The following SCARF2 variants were observed in gnomAD, a reference collection of about 807,000 sequenced individuals.
SCARF2 encodes scavenger receptor class F member 2.
In SCARF2, 39 loss-of-function variants were observed where a neutral mutation model predicts 73.4. The ratio of observed to expected loss-of-function variants is 0.53; its 90% confidence interval spans 0.41 to 0.69. SCARF2 has a LOEUF of 0.69. Among genes scored for constraint, SCARF2 ranks in the 30% least tolerant of loss-of-function variants. The pLI is 0.00. For synonymous variants in SCARF2, 605 were observed against 590.0 expected (o/e 1.03, Z -0.37); for missense variants, 1,148 against 1,303.5 (o/e 0.88, Z 1.84).
chr22:20,433,757 TGTCTCCACC>T (rs1371526518), intron 1 of SCARF2, among the ~76,000 whole-genome samples: 1 of 152,230 alleles, frequency 6.6e-6, no homozygotes, highest in African/African-American at 2.4e-5. Context: ...CTGCCCCCAC[TGTCTCCACC>T]CACCCAGCCC....
At chr22:20,437,451 T>A in intron 1 of SCARF2, 131 bp downstream of exon 1, 1 of 977,604 alleles carries the variant, frequency 1.0e-6, no homozygotes, top group Non-Finnish European at 1.4e-6. Context: ...GGAGCCGCGC[T>A]GGCTAGGGAG....
chr22:20,426,438 CAT>C (rs2052579506), intron 10 of SCARF2, among the ~76,000 whole-genome samples, 156 bp from the exon 11 acceptor site: 5 of 152,368 alleles, frequency 3.3e-5, no homozygotes, highest in Admixed American at 1.3e-4. Context: ...ACCAACCACA[CAT>C]GTGTACTTCA....
At chr22:20,433,124 T>C (rs1250009791) in intron 1 of SCARF2, among the ~76,000 whole-genome samples, 1 of 152,130 alleles carries the variant, frequency 6.6e-6, no homozygotes, top group Non-Finnish European at 1.5e-5. Context: ...CCTGGGTGGA[T>C]GGGGTGTGTG....
chr22:20,427,328 C>T (rs2052589896), intron 10 of SCARF2, 70 bp downstream of exon 10: 2 of 1,580,740 alleles, frequency 1.3e-6, no homozygotes, highest in Non-Finnish European at 1.7e-6. Context: ...CTGTGTCCCA[C>T]CCAGAACACA....
rs921120648 is a variant in SCARF2, at chr22:20,427,429, A to G, written c.1662T>C (p.Asp554=). 1 of 1,614,076 alleles carries G rather than the reference A, an allele frequency of 6.2e-7. No homozygotes were observed. Among genetic ancestry groups the G allele is most frequent in the Admixed American group, 1.7e-5 (1 of 60,008 alleles). Reference sequence around the variant, plus strand: ...GGGGTACACAGTACACAGGGCCTTCATCAGTGGTGTCAAACGAGGAGAAGG... The same window carrying G: ...GGGGTACACAGTACACAGGGCCTTCGTCAGTGGTGTCAAACGAGGAGAAGG... ...RASFSSFDTT[D]EGPVYCVPHE... The change falls in exon 10 of 11, where the codon GAT becomes GAC. Residue 554 remains aspartate, a synonymous_variant. Coordinates refer to ENST00000622235, the MANE Select transcript of SCARF2 (RefSeq NM_182895.5).
At chr22:20,431,597 A>T in intron 3 of SCARF2, 60 bp from the exon 4 acceptor site, 1 of 1,544,378 alleles carries the variant, frequency 6.5e-7, no homozygotes, top group South Asian at 1.2e-5. Context: ...GCCCCCAGCC[A>T]GCCGGAACCT....
Position 20,429,671 on chromosome 22 carries a change from G to A in SCARF2, c.1307-18C>T. On this transcript the variant is annotated intron_variant, in intron 7 of 10. Coordinates refer to ENST00000622235, the MANE Select transcript of SCARF2 (RefSeq NM_182895.5). This position sits in a 1 kb window ranked among gnomAD's most constrained non-coding sequence, Gnocchi z 5.2. ...GTTGGTTTCTGTAGGGGGTTATGGGGTCAGCGCGGTTTCTGGCACCCCCTG... is the reference window on the plus strand; with the variant it reads ...GTTGGTTTCTGTAGGGGGTTATGGGATCAGCGCGGTTTCTGGCACCCCCTG... 1 of 1,614,018 alleles carries A rather than the reference G, an allele frequency of 6.2e-7. No individual in the cohort carries two copies. Among genetic ancestry groups the A allele is most frequent in the Non-Finnish European group, 8.5e-7 (1 of 1,179,948 alleles).
intron 9 of SCARF2, among the ~76,000 whole-genome samples, chr22:20,427,962 C>T (rs955841355): frequency 2.6e-5 from 4 of 152,182 alleles, no homozygotes; most frequent in South Asian, 4.1e-4. Context: ...AGCCCAAATG[C>T]GCAGTGGCAG....
At chr22:20,427,203 C>G (rs2052588059) in intron 10 of SCARF2, among the ~76,000 whole-genome samples, 195 bp downstream of exon 10, 1 of 150,590 alleles carries the variant, frequency 6.6e-6, no homozygotes, top group African/African-American at 2.4e-5. Context: ...CCCATCTCCC[C>G]ACACCTGTCT....
chr22:20,437,411 G>T (rs915666082), intron 1 of SCARF2, among the ~76,000 whole-genome samples, 171 bp downstream of exon 1: 2 of 152,204 alleles, frequency 1.3e-5, no homozygotes, highest in African/African-American at 4.8e-5. Flanking sequence ...ATGCACTGTC[G>T]TGGCCCATGG....
In SCARF2 at chr22:20,429,631, C is replaced by A. The variant is rs747596610; in HGVS notation, c.1329G>T (p.Val443=). The change falls in exon 8 of 11, where the codon GTG becomes GTT. Residue 443 remains valine, a synonymous_variant. Coordinates refer to ENST00000622235, the MANE Select transcript of SCARF2 (RefSeq NM_182895.5). This position sits in a 1 kb window ranked among gnomAD's most constrained non-coding sequence, Gnocchi z 5.2. ...GGACGAGCAGCGCGCCCGCGCCCAT[C>A]ACGCCCTTGCGCTGGTTGGTTTCTG... ...CHLETNQRKG[V]MGAGALLVLL... The A allele has an allele frequency of 6.2e-6, 10 of 1,613,770 alleles. No individual in the cohort carries two copies. Among genetic ancestry groups the A allele is most frequent in the Non-Finnish European group, 8.5e-6 (10 of 1,179,960 alleles).
Position 20,429,415 on chromosome 22 carries a change from A to T in SCARF2, c.1425-75T>A. 7.1e-6 allele frequency: 11 copies of T among 1,556,550 alleles called. No individual in the cohort carries two copies. In the South Asian group the frequency reaches 1.3e-4, roughly 18 times the overall value. On this transcript the variant is annotated intron_variant, in intron 8 of 10. Transcript: ENST00000622235. This position sits in a 1 kb window ranked among gnomAD's most constrained non-coding sequence, Gnocchi z 5.2. ...GGGCGATTAGATCTCGGCCGGAGCC[A>T]AGCACAGAAGGGGCGGGGCCACGTC... is the stretch of plus-strand genomic sequence containing the variant.
In SCARF2 at chr22:20,429,713, G is replaced by A. The variant is rs1365826522; in HGVS notation, c.1306+17C>T. 1.9e-6 allele frequency: 3 copies of A among 1,613,852 alleles called. No individual in the cohort carries two copies. The highest frequency in any genetic ancestry group is 1.3e-5 in the African/African-American group (1 of 74,932). On this transcript the variant is annotated intron_variant, in intron 7 of 10. Transcript: ENST00000622235. The surrounding 1 kb of genome is among the most constrained non-coding windows in gnomAD (Gnocchi z 5.2). ...CACCCCCTGCATTCCTTAACGGGAC[G>A]CCCCTCATCCACTTACCTAGGTGGC...
In SCARF2 at chr22:20,431,991, G is replaced by C. The variant is rs1235454157; in HGVS notation, c.174-3C>G. ...CGCAGCACGTGGGCACCTGGGAGCT[G>C]CGAGCAGAGGGAGGACATCTAAGCC... On this transcript the variant is annotated splice_region_variant and splice_polypyrimidine_tract_variant and intron_variant, in intron 1 of 10. Transcript: ENST00000622235. 1.9e-6 allele frequency: 3 copies of C among 1,608,804 alleles called. No homozygotes were observed. Among genetic ancestry groups the C allele is most frequent in the Non-Finnish European group, 2.5e-6 (3 of 1,178,872 alleles).
At chr22:20,430,278 C>G in intron 6 of SCARF2, 151 bp downstream of exon 6, 2 of 994,858 alleles carry the variant, frequency 2.0e-6, no homozygotes, top group Non-Finnish European at 2.9e-6. Flanking sequence ...GGAAACTGCC[C>G]CCAAAGAGCC....
rs1601297367 is a variant in SCARF2, at chr22:20,429,147, A to C, written c.1540+78T>G. 5 of 1,568,268 alleles carry C rather than the reference A, an allele frequency of 3.2e-6. No individual in the cohort carries two copies. The highest frequency in any genetic ancestry group is 4.4e-6 in the Non-Finnish European group (5 of 1,140,016). On this transcript the variant is annotated intron_variant, in intron 9 of 10. Transcript: ENST00000622235. The surrounding 1 kb of genome is among the most constrained non-coding windows in gnomAD (Gnocchi z 5.2). ...CCCCCATTTCCTCACTGAGATCTGG[A>C]CCCCCTCACACCCATTTCCCAGCAG...
rs2052612752 is a variant in SCARF2 at position 20,429,205 on chromosome 22, C to T, written c.1540+20G>A. On this transcript the variant is annotated intron_variant, in intron 9 of 10. Transcript: ENST00000622235. The surrounding 1 kb of genome is among the most constrained non-coding windows in gnomAD (Gnocchi z 5.2). ...CGTCGAGAGGTGTTTCTCCCAGATACCCCGCGCTGTCATCCTTACCTACGA... is the reference window on the plus strand; with the variant it reads ...CGTCGAGAGGTGTTTCTCCCAGATATCCCGCGCTGTCATCCTTACCTACGA... 3 of 1,613,978 alleles carry T rather than the reference C, an allele frequency of 1.9e-6. No individual in the cohort carries two copies. Among genetic ancestry groups the T allele is most frequent in the African/African-American group, 2.7e-5 (2 of 75,060 alleles).
chr22:20,429,167 C>A lies in SCARF2; in HGVS notation c.1540+58G>T. ...TCTGGACCCCCTCACACCCATTTCC[C>A]AGCAGCTTCCTGCGTCGAGAGGTGT... On this transcript the variant is annotated intron_variant, in intron 9 of 10. Transcript: ENST00000622235. The surrounding 1 kb of genome is among the most constrained non-coding windows in gnomAD (Gnocchi z 5.2). 1.2e-6 allele frequency: 2 copies of A among 1,610,896 alleles called. No homozygotes were observed. The highest frequency in any genetic ancestry group is 2.2e-5 in the South Asian group (2 of 90,820).
Position 20,425,432 on chromosome 22 carries a change from G to C in SCARF2, c.2544C>G (p.Arg848=), listed in dbSNP as rs1285201141. ...RKKTPIQKPP[R]KKSREAAGEL... ...CGCCCGCCGCCTCCCGGCTCTTCTT[G>C]CGCGGCGGCTTCTGGATGGGGGTCT... The change falls in exon 11 of 11, where the codon CGC becomes CGG. Residue 848 remains arginine, a synonymous_variant. Transcript: ENST00000622235. The surrounding 1 kb of genome is among the most constrained non-coding windows in gnomAD (Gnocchi z 4.6). The C allele has an allele frequency of 1.4e-6, 2 of 1,429,372 alleles. No individual in the cohort carries two copies. The highest frequency in any genetic ancestry group is 2.9e-5 in the African/African-American group (2 of 68,146). 88.5% of individuals were successfully genotyped at this position (1,429,372 alleles called of 1,614,324 possible).
Sources: allele counts gnomAD v4.1 joint callset (sites outside exome capture counted in the v4.1 genomes callset), GRCh38; gene constraint gnomAD v4.1.1; non-coding constraint Gnocchi (gnomAD v3.1); transcripts MANE v1.5; gene names NCBI Gene and HGNC (gene_info 2026-07-23, HGNC 2026-07-21).